Variants in ZDHHC19 observed in about 807,000 individuals in gnomAD.
ZDHHC19 encodes the protein zDHHC palmitoyltransferase 19, also known as palmitoyltransferase ZDHHC19.
In ZDHHC19, 30 loss-of-function variants were observed where a neutral mutation model predicts 33.9. The ratio of observed to expected loss-of-function variants is 0.88; its 90% CI spans 0.66 to 1.20. ZDHHC19 has a LOEUF of 1.20. ZDHHC19 is among the 50% of genes most tolerant of loss of function. The probability of loss-of-function intolerance (pLI) is 0.00; values close to 1 mark genes in which losing one functional copy is unlikely to be tolerated. For synonymous variants in ZDHHC19, 178 were observed against 167.6 expected, an observed-to-expected ratio of 1.06 and a Z score of -0.48; for missense variants, 364 against 401.1, an observed-to-expected ratio of 0.91 and a Z score of 0.79.
At position 196,203,840 on chromosome 3, in the gene ZDHHC19, G is replaced by A. The variant is rs1722540765; in HGVS notation, c.687+3558C>T. Among the ~76,000 whole-genome samples the A allele has an allele frequency of 6.6e-6, 1 of 152,178 alleles. No homozygotes were observed. The highest frequency in any genetic ancestry group is 2.4e-5 in the African/African-American group (1 of 41,432). On this transcript the variant is annotated intron_variant, in intron 5 of 7. Coordinates refer to ENST00000296326, the MANE Select transcript of ZDHHC19 (RefSeq NM_001039617.2). This position sits in a 1 kb window ranked among gnomAD's most constrained non-coding sequence, Gnocchi z 4.3. The stretch of plus-strand genomic sequence containing the variant: ...AGTCACAGGTGGGGGAGCCAAATAT[G>A]GGTGTGGTGGAGTGATTGAAGGGTG...
chr3:196,210,434 G>GAGAA (rs1362166067), intron 2 of ZDHHC19, among the ~76,000 whole-genome samples, 182 bp downstream of exon 2: 9 of 92,422 alleles, frequency 9.7e-5, no homozygotes, highest in African/African-American at 1.9e-4. Context: ...AAGAAAGAAA[G>GAGAA]AGAAAGAAAG....
In ZDHHC19 at chr3:196,208,493, A is replaced by T; in HGVS notation, c.476T>A (p.Leu159Gln). The change falls in exon 4 of 8, where the codon CTG (leucine) becomes CAG (glutamine). Residue 159 changes from leucine (L) to glutamine (Q), a missense_variant. Leu to Gln is a moderately radical substitution (Grantham distance 113). Coordinates refer to ENST00000296326, the MANE Select transcript of ZDHHC19 (RefSeq NM_001039617.2). ...IGHRNFRFFM[L>Q]LVLSLCLYSG... Reference sequence around the variant, plus strand: ...GTAGAGGCACAGGGACAGGACAAGCAGCATGAAGAAGCGGAAGTTGCGGTG... The same window carrying T: ...GTAGAGGCACAGGGACAGGACAAGCTGCATGAAGAAGCGGAAGTTGCGGTG... 3 of 1,614,210 alleles carry T rather than the reference A, an allele frequency of 1.9e-6. No homozygotes were observed. Among genetic ancestry groups the T allele is most frequent in the Non-Finnish European group, 8.5e-7 (1 of 1,180,020 alleles).
rs762232097 is a variant in ZDHHC19 at position 196,211,171 on chromosome 3, G to A, written c.145C>T (p.Pro49Ser). The change falls in exon 1 of 8, where the codon CCT (proline) becomes TCT (serine). Residue 49 changes from proline to serine, a missense_variant and splice_region_variant. Physicochemically the swap from Pro to Ser is moderately conservative, Grantham distance 74. Transcript: ENST00000296326. ...TAACGGCTTGCCTGGAAAACTCACG[G>A]GAATGCGAAGAAGAGGCCACTGAAA... The part of the protein sequence containing the change: ...VFFSGLFFAF[P>S]CRWLAQNGEW... 6.2e-7 allele frequency: 1 copy of A among 1,614,178 alleles called. No homozygotes were observed. The highest frequency in any genetic ancestry group is 1.1e-5 in the South Asian group (1 of 91,086).
chr3:196,203,682 G>T lies in ZDHHC19; in HGVS notation c.687+3716C>A, dbSNP rs1338640320. ...CAGGAGGGCAGCATTCTGGGCAGGG[G>T]AGGGAGGGCAGGAAGAACCACAGGA... is the stretch of plus-strand genomic sequence containing the variant. On this transcript the variant is annotated intron_variant, in intron 5 of 7. Coordinates refer to ENST00000296326, the MANE Select transcript of ZDHHC19 (RefSeq NM_001039617.2). This position sits in a 1 kb window ranked among gnomAD's most constrained non-coding sequence, Gnocchi z 4.3. 6.6e-6 allele frequency among the ~76,000 whole-genome samples: 1 copy of T among 152,248 alleles called. No individual in the cohort carries two copies. Among genetic ancestry groups the T allele is most frequent in the African/African-American group, 2.4e-5 (1 of 41,476 alleles).
intron 5 of ZDHHC19, among the ~76,000 whole-genome samples, chr3:196,199,912 T>C (rs1415561968): frequency 6.6e-6 from 1 of 151,876 alleles, no homozygotes; most frequent in African/African-American, 2.4e-5. Context: ...GCCACTGCAC[T>C]CCAGCCTGGG....
intron 5 of ZDHHC19, 91 bp downstream of exon 5, chr3:196,207,307 G>C: frequency 8.6e-7 from 1 of 1,156,842 alleles, no homozygotes; most frequent in Non-Finnish European, 1.2e-6. Context: ...CGCGGGTGGG[G>C]GTCAGGCTAT....
intron 5 of ZDHHC19, 44 bp downstream of exon 5, chr3:196,207,354 G>A (rs759085593): frequency 1.3e-6 from 2 of 1,509,358 alleles, no homozygotes; most frequent in Non-Finnish European, 1.8e-6. Flanking sequence ...CGGGAAGCGC[G>A]GAGGTCCCCG....
chr3:196,210,869 G>T, intron 1 of ZDHHC19, 132 bp from the exon 2 acceptor site: 1 of 1,380,214 alleles, frequency 7.2e-7, no homozygotes, highest in Non-Finnish European at 9.7e-7. Flanking sequence ...AAATACCCAG[G>T]CAGACTCATA....
chr3:196,202,497 G>A (rs1162551248), intron 5 of ZDHHC19: 1 of 152,394 alleles, frequency 6.6e-6, no homozygotes, highest in Non-Finnish European at 1.5e-5. Flanking sequence ...ACTGTGCTGG[G>A]GGTTGAGGAC....
chr3:196,209,520 C>G lies in ZDHHC19; in HGVS notation c.269-5G>C. On this transcript the variant is annotated splice_region_variant and splice_polypyrimidine_tract_variant and intron_variant, in intron 2 of 7. Coordinates refer to ENST00000296326, the MANE Select transcript of ZDHHC19 (RefSeq NM_001039617.2). ...AGGGGCCCTGCTCAGCGGAGCCTGG[C>G]GTGGGAAGAGGATTGGGCACAGCAG... 6.2e-7 allele frequency: 1 copy of G among 1,611,974 alleles called. No homozygotes were observed. The highest frequency in any genetic ancestry group is 1.7e-5 in the Admixed American group (1 of 59,832).
intron 6 of ZDHHC19, 63 bp from the exon 7 acceptor site, chr3:196,198,514 C>T: frequency 6.3e-7 from 1 of 1,590,498 alleles, no homozygotes; most frequent in Non-Finnish European, 8.6e-7. Flanking sequence ...CCCTGCCCGC[C>T]TCAGCTTGGG....
Position 196,211,398 on chromosome 3 carries a change from G to T in ZDHHC19, c.-83C>A. The T allele has an allele frequency of 5.4e-6, 8 of 1,486,214 alleles. No homozygotes were observed. Among genetic ancestry groups the T allele is most frequent in the South Asian group, 2.7e-5 (2 of 74,712 alleles). The allele number at this position is 1,486,214 out of a possible 1,614,324, so 92.1% of individuals were successfully genotyped here. A position where few individuals can be genotyped will look rare whatever the true frequency, so the allele number is the denominator to read the frequency against. On this transcript the variant is annotated 5_prime_UTR_variant, in exon 1 of 8. Transcript: ENST00000296326. ...CCAGCTTCCAGAGCTCCATGGCCAC[G>T]GCAGCCTCAGAGCCGCAGCCCAGGG...
chr3:196,210,839 G>T (rs555698801), intron 1 of ZDHHC19, 102 bp from the exon 2 acceptor site: 17 of 1,477,398 alleles, frequency 1.2e-5, no homozygotes, highest in African/African-American at 1.4e-5. Context: ...CTTCAAGCCA[G>T]ATCTAAAAAT....
intron 5 of ZDHHC19, 136 bp from the exon 6 acceptor site, chr3:196,199,010 T>C (rs552367362): frequency 1.3e-6 from 1 of 764,448 alleles, no homozygotes; most frequent in Non-Finnish European, 2.2e-6. Flanking sequence ...GCCAGGAGAC[T>C]GAAGGACCTC....
chr3:196,207,467 C>G lies in ZDHHC19; in HGVS notation c.618G>C (p.Val206=), dbSNP rs1403369834. The G allele has an allele frequency of 5.7e-6, 9 of 1,573,256 alleles. No homozygotes were observed. Among genetic ancestry groups the G allele is most frequent in the Non-Finnish European group, 6.0e-6 (7 of 1,160,330 alleles). The change falls in exon 5 of 8, where the codon GTG becomes GTC. Residue 206 remains valine, a synonymous_variant. Coordinates refer to ENST00000296326, the MANE Select transcript of ZDHHC19 (RefSeq NM_001039617.2). The stretch of plus-strand genomic sequence containing the variant: ...GGATCAGCAGCAGGAGGGACAGCGG[C>G]ACCAGGAGGCCCGCGGCGGACACGG... ...VVAVSAAGLL[V]PLSLLLLIQA...
At chr3:196,209,176 C>G (rs556146595) in intron 3 of ZDHHC19, 200 bp downstream of exon 3, 1 of 722,946 alleles carries the variant, frequency 1.4e-6, no homozygotes, top group African/African-American at 1.8e-5. Flanking sequence ...AGCACCTCTG[C>G]AGGCAACGGC....
At chr3:196,210,872 GACTCATAATGGCTCC>G in intron 1 of ZDHHC19, 135 bp from the exon 2 acceptor site, 2 of 1,350,828 alleles carry the variant, frequency 1.5e-6, no homozygotes, top group Non-Finnish European at 2.0e-6. Flanking sequence ...TACCCAGGCA[GACTCATAATGGCTCC>G]ACCAAATGTC....
chr3:196,198,512 G>A (rs77550661), intron 6 of ZDHHC19, 61 bp from the exon 7 acceptor site: 524 of 1,589,834 alleles, frequency 3.3e-4, no homozygotes, highest in Admixed American at 7.9e-4. Context: ...TCCCCTGCCC[G>A]CCTCAGCTTG....
rs1404215743 is a variant in ZDHHC19 at position 196,197,568 on chromosome 3, AAGGAGGCAGGTTC to A, written c.*164_*176del. ...ACTCAGGGCTCAGGAAGTGGGAGGT[AAGGAGGCAGGTTC>A]AGGAGGCGGGTTCAGGAGGCGGGTT... is the stretch of plus-strand genomic sequence containing the variant. On this transcript the variant is annotated 3_prime_UTR_variant, in exon 8 of 8. Transcript: ENST00000296326. The surrounding 1 kb of genome is among the most constrained non-coding windows in gnomAD (Gnocchi z 4.4). The A allele has an allele frequency of 5.2e-5, 8 of 152,958 alleles. No homozygotes were observed. The highest frequency in any genetic ancestry group is 1.7e-4 in the African/African-American group (7 of 41,450). 9.5% of individuals were successfully genotyped at this position (152,958 alleles called of 1,614,324 possible).
Sources: gnomAD v4.1 joint callset for allele counts (sites outside exome capture counted in the v4.1 genomes callset) on GRCh38, gnomAD v4.1.1 for gene constraint, Gnocchi (gnomAD v3.1) non-coding constraint, MANE v1.5 for transcripts, NCBI Gene and HGNC (gene_info 2026-07-23, HGNC 2026-07-21) for gene names.